The following CCAR1 variants were observed in gnomAD, a reference collection of about 807,000 sequenced individuals.
CCAR1 encodes the protein cell division cycle and apoptosis regulator protein 1.
Under a neutral mutation model 163.8 loss-of-function variants are expected in CCAR1, and 78 were observed. The ratio of observed to expected loss-of-function variants is 0.48; its 90% CI spans 0.40 to 0.57. CCAR1 has a LOEUF of 0.57. CCAR1 is among the 20% of genes least tolerant of loss of function. The pLI, the probability that CCAR1 is intolerant of heterozygous loss-of-function variation, is 0.00. For missense variants in CCAR1, 1,019 were observed against 1,365.2 expected (o/e 0.75, Z 4.00); for synonymous variants, 443 against 460.7 (o/e 0.96, Z 0.49).
Position 68,721,497 on chromosome 10 carries a change from C to G in CCAR1, c.-51+215C>G, listed in dbSNP as rs569524621. 493 of 430,422 alleles carry G rather than the reference C, an allele frequency of 1.1e-3. 3 individuals carry two copies. Among genetic ancestry groups the G allele is most frequent in the African/African-American group, 9.4e-3 (439 of 46,838 alleles). The allele number at this position is 430,422 out of a possible 1,614,324, so 26.7% of individuals were successfully genotyped here. ...GGCGCGGCCAGCCCCACCCCCACCG[C>G]TCGGCTCCTCAGGTGCCCCCAGCGC... On this transcript the variant is annotated intron_variant, in intron 1 of 24. Coordinates refer to ENST00000265872, the MANE Select transcript of CCAR1 (RefSeq NM_018237.4).
Position 68,786,567 on chromosome 10 carries a change from A to G in CCAR1, c.2755A>G (p.Ile919Val). The G allele has an allele frequency of 6.4e-7, 1 of 1,568,928 alleles. No individual in the cohort carries two copies. The highest frequency in any genetic ancestry group is 8.6e-7 in the Non-Finnish European group (1 of 1,162,392). ...TTAGGAAAAAGAAAAGACTCAAATG[A>G]TCACAATTAACAGAGATCTGTTAAT... is the stretch of plus-strand genomic sequence containing the variant. ...KDKEKEKTQM[I>V]TINRDLLMAF... The change falls in exon 21 of 25, where the codon ATC becomes GTC. Residue 919 changes from isoleucine (I) to valine (V), a missense_variant. Coordinates refer to ENST00000265872, the MANE Select transcript of CCAR1 (RefSeq NM_018237.4).
chr10:68,775,099 A>G (rs1229371891), intron 19 of CCAR1: 2 of 201,638 alleles, frequency 9.9e-6, no homozygotes, highest in Non-Finnish European at 2.1e-5. Flanking sequence ...CTGTGTATCC[A>G]TCAACTTTGA....
intron 2 of CCAR1, 73 bp from the exon 3 acceptor site, chr10:68,736,803 A>C: frequency 1.5e-6 from 2 of 1,331,662 alleles, no homozygotes; most frequent in Non-Finnish European, 2.1e-6. Context: ...TATCTCTTCT[A>C]TGTACTGTTT....
In CCAR1 at chr10:68,749,138, G is replaced by T. The variant is rs1433643468; in HGVS notation, c.829G>T (p.Gly277Cys). Residue 277 changes from glycine (G) to cysteine (C), a missense_variant and splice_region_variant, in exon 9 of 25, where the codon GGT (glycine) becomes TGT (cysteine). Physicochemically the swap from Gly to Cys is radical, Grantham distance 159. Around this residue, in one of 4 missense-constraint regions of CCAR1, gnomAD observed 644 missense variants for 904.4 expected, o/e 0.71. Coordinates refer to ENST00000265872, the MANE Select transcript of CCAR1 (RefSeq NM_018237.4). ...PLLQQPQQKA[G>C]LLQPPVRIVS... ...TTTTTTTCTTTTATCTTTTAAAGCT[G>T]GTTTATTGCAGCCTCCTGTTCGTAT... 1.2e-6 allele frequency: 2 copies of T among 1,613,656 alleles called. No individual in the cohort carries two copies. The highest frequency in any genetic ancestry group is 1.7e-6 in the Non-Finnish European group (2 of 1,179,908).
rs560006961 is a variant in CCAR1 at position 68,782,134 on chromosome 10, TCA to T, written c.2651-3999_2651-3998del. On this transcript the variant is annotated intron_variant, in intron 19 of 24. Coordinates refer to ENST00000265872, the MANE Select transcript of CCAR1 (RefSeq NM_018237.4). Reference sequence around the variant, plus strand: ...GGGTCAGAATAGAAGGTCACACCAGTCACAACATTCCCTTAAGGCAAAACCTA... The same window carrying T: ...GGGTCAGAATAGAAGGTCACACCAGTCAACATTCCCTTAAGGCAAAACCTA... 3.7e-3 allele frequency among the ~76,000 whole-genome samples: 565 copies of T among 152,266 alleles called. 3 individuals are homozygous for T. Among genetic ancestry groups the T allele is most frequent in the Non-Finnish European group, 6.6e-3 (452 of 68,022 alleles).
intron 19 of CCAR1, among the ~76,000 whole-genome samples, chr10:68,779,760 T>TA (rs2056712873): frequency 6.6e-6 from 1 of 152,166 alleles, no homozygotes; most frequent in East Asian, 1.9e-4. Flanking sequence ...TAATTTATTA[T>TA]AAAACAAAAC....
At chr10:68,745,293 G>A (rs993326585) in intron 6 of CCAR1, among the ~76,000 whole-genome samples, 5 of 150,898 alleles carry the variant, frequency 3.3e-5, no homozygotes, top group East Asian at 2.0e-4. Context: ...GGCATGAGCC[G>A]CCACGCCCGG....
intron 10 of CCAR1, among the ~76,000 whole-genome samples, 183 bp from the exon 11 acceptor site, chr10:68,753,669 G>T (rs181196627): frequency 2.0e-5 from 3 of 152,074 alleles, no homozygotes; most frequent in East Asian, 1.9e-4. Context: ...AAAGCTTTGC[G>T]TATATAAATT....
intron 1 of CCAR1, among the ~76,000 whole-genome samples, chr10:68,721,949 C>T (rs2055865679): frequency 6.6e-6 from 1 of 152,056 alleles, no homozygotes; most frequent in African/African-American, 2.4e-5. Context: ...AAAGAAGCCC[C>T]CTAGGTTCCT....
intron 19 of CCAR1, among the ~76,000 whole-genome samples, chr10:68,784,830 T>C (rs1272969928): frequency 6.6e-6 from 1 of 152,118 alleles, no homozygotes; most frequent in African/African-American, 2.4e-5. Context: ...TTGTTAGTGT[T>C]TTTAGAAATA....
In CCAR1 at chr10:68,756,334, C is replaced by G; in HGVS notation, c.1687C>G (p.Pro563Ala). 1.8e-5 allele frequency: 29 copies of G among 1,614,068 alleles called. No individual in the cohort carries two copies. The highest frequency in any genetic ancestry group is 2.5e-5 in the Non-Finnish European group (29 of 1,179,996). The change falls in exon 14 of 25, where the codon CCA (proline) becomes GCA (alanine). Residue 563 changes from proline to alanine, a missense_variant. Transcript: ENST00000265872. The surrounding 1 kb of genome is among the most constrained non-coding windows in gnomAD (Gnocchi z 5.1). ...GGAGACCCACAAGGGGCGTACAGTT[C>G]CAGCTCATGTGGAGACAGTGGTTTT... The part of the protein sequence containing the change: ...PEETHKGRTV[P>A]AHVETVVLFF...
rs1564547765 is a variant in CCAR1, at chr10:68,771,644, AT to A, written c.2538+200del. On this transcript the variant is annotated intron_variant, in intron 18 of 24. Coordinates refer to ENST00000265872, the MANE Select transcript of CCAR1 (RefSeq NM_018237.4). ...TAAAGATCCAAAAAATTAGCCTGAC[AT>A]GATGGCACATGCCTATAGTCCTAGC... Among the ~76,000 whole-genome samples, 412 of 152,200 alleles carry A rather than the reference AT, an allele frequency of 2.7e-3. 3 individuals carry two copies. Among genetic ancestry groups the A allele is most frequent in the African/African-American group, 9.5e-3 (396 of 41,568 alleles).
chr10:68,754,880 A>G, intron 12 of CCAR1, 53 bp downstream of exon 12: 1 of 945,616 alleles, frequency 1.1e-6, no homozygotes, highest in Non-Finnish European at 1.7e-6. Context: ...GCTTAGCTGT[A>G]ACTTTGTACA....
intron 1 of CCAR1, among the ~76,000 whole-genome samples, chr10:68,722,099 G>T (rs543523357): frequency 8.1e-4 from 123 of 152,220 alleles, no homozygotes; most frequent in African/African-American, 2.6e-3. Flanking sequence ...GAAGAAACAC[G>T]CAGGCTGTAT....
intron 19 of CCAR1, among the ~76,000 whole-genome samples, chr10:68,784,688 G>A (rs899055170): frequency 1.3e-5 from 2 of 151,910 alleles, no homozygotes; most frequent in Non-Finnish European, 2.9e-5. Flanking sequence ...AGCTGGAACC[G>A]CAGGCATGCG....
In CCAR1 at chr10:68,788,392, G is replaced by C. The variant is rs999190155; in HGVS notation, c.3187+64G>C. 4.2e-6 allele frequency: 5 copies of C among 1,178,180 alleles called. No homozygotes were observed. The East Asian group carries it at 1.2e-4, about 29-fold the overall frequency. The allele number at this position is 1,178,180 out of a possible 1,614,324, so 73.0% of individuals were successfully genotyped here. On this transcript the variant is annotated intron_variant, in intron 23 of 24. Coordinates refer to ENST00000265872, the MANE Select transcript of CCAR1 (RefSeq NM_018237.4). Reference sequence around the variant, plus strand: ...CCTGCTGGGACACGTATATGTTTATGTGTGTACATACATATATACGTACCT... The same window carrying C: ...CCTGCTGGGACACGTATATGTTTATCTGTGTACATACATATATACGTACCT...
chr10:68,730,583 G>A (rs555601870), intron 2 of CCAR1, among the ~76,000 whole-genome samples: 12 of 151,896 alleles, frequency 7.9e-5, no homozygotes, highest in African/African-American at 1.9e-4. Flanking sequence ...TGATCTGCCC[G>A]CCTCAGTCTC....
At chr10:68,755,743 T>G (rs1255422031) in intron 13 of CCAR1, among the ~76,000 whole-genome samples, 1 of 152,232 alleles carries the variant, frequency 6.6e-6, no homozygotes, top group Admixed American at 6.5e-5. Flanking sequence ...CAAAATAAAC[T>G]GAAAATTTAA....
At chr10:68,751,795 C>T (rs769396573) in intron 10 of CCAR1, among the ~76,000 whole-genome samples, 9 of 151,396 alleles carry the variant, frequency 5.9e-5, no homozygotes, top group Non-Finnish European at 1.0e-4. Context: ...ACCCGGGAGG[C>T]AGAGATTGCA....
Sources: allele counts gnomAD v4.1 joint callset (sites outside exome capture counted in the v4.1 genomes callset), GRCh38; gene constraint gnomAD v4.1.1; regional missense constraint gnomAD v4.1.1; non-coding constraint Gnocchi (gnomAD v3.1); transcripts MANE v1.5; gene names NCBI Gene and HGNC (gene_info 2026-07-23, HGNC 2026-07-21).